Variants in ARHGAP6 observed in about 807,000 individuals in gnomAD.
The protein encoded by ARHGAP6 is Rho GTPase activating protein 6.
ARHGAP6 carries 16 observed loss-of-function variants against 55.7 expected under a neutral mutation model. That is an observed-to-expected ratio of 0.29 (90% CI 0.19 to 0.44). The LOEUF is 0.44. ARHGAP6 is among the 20% of genes least tolerant of loss of function. The probability of loss-of-function intolerance (pLI) is 1.00; values close to 1 mark genes in which losing one functional copy is unlikely to be tolerated. For synonymous variants in ARHGAP6, 382 were observed against 360.9 expected (o/e 1.06, Z -0.66); for missense variants, 698 against 808.9 (o/e 0.86, Z 1.66).
intron 1 of ARHGAP6, among the ~76,000 whole-genome samples, chrX:11,433,419 G>A: frequency 8.9e-6 from 1 of 111,918 alleles, no homozygotes. Flanking sequence ...CAGAGCCAGG[G>A]AGGGTATCCT....
chrX:11,408,516 G>T (rs1311030803), intron 1 of ARHGAP6, among the ~76,000 whole-genome samples: 1 of 111,172 alleles, frequency 9.0e-6, no homozygotes, highest in Non-Finnish European at 1.9e-5. Flanking sequence ...ACTCTATCCA[G>T]GTACAACGGA....
At chrX:11,337,859 G>A (rs2048658780) in intron 1 of ARHGAP6, among the ~76,000 whole-genome samples, 1 of 112,266 alleles carries the variant, frequency 8.9e-6, no homozygotes, top group Non-Finnish European at 1.9e-5. Context: ...GGCTTTACAA[G>A]ATAGATGGCA....
At chrX:11,251,939 C>A (rs1218853236) in intron 2 of ARHGAP6, among the ~76,000 whole-genome samples, 1 of 112,254 alleles carries the variant, frequency 8.9e-6, no homozygotes, top group Non-Finnish European at 1.9e-5. Flanking sequence ...TCCCTCTCTC[C>A]TCTATAAATG....
chrX:11,383,233 T>C (rs1049771088), intron 1 of ARHGAP6, among the ~76,000 whole-genome samples: 34 of 111,525 alleles, frequency 3.0e-4, no homozygotes, highest in Non-Finnish European at 5.1e-4. Context: ...GCATGCTTCA[T>C]GGTTCATTGT....
At chrX:11,347,710 A>G in intron 1 of ARHGAP6, among the ~76,000 whole-genome samples, 1 of 112,483 alleles carries the variant, frequency 8.9e-6, no homozygotes, top group Middle Eastern at 4.6e-3. Flanking sequence ...TATGGAAGGC[A>G]GACAGGAAAA....
chrX:11,521,818 T>C (rs1025001417), intron 1 of ARHGAP6, among the ~76,000 whole-genome samples: 6 of 111,332 alleles, frequency 5.4e-5, no homozygotes, highest in Non-Finnish European at 1.1e-4. Flanking sequence ...TTTCTTTGTA[T>C]CCTCTTTTAT....
chrX:11,295,078 A>G (rs1435018483), intron 1 of ARHGAP6, among the ~76,000 whole-genome samples: 1 of 112,098 alleles, frequency 8.9e-6, no homozygotes, highest in Non-Finnish European at 1.9e-5. Context: ...CTGCATTTTT[A>G]TAAGCACCCC....
Position 11,416,256 on chromosome X carries a change from C to T in ARHGAP6, c.589-161549G>A, listed in dbSNP as rs767883028. On this transcript the variant is annotated intron_variant, in intron 1 of 12. Coordinates refer to ENST00000337414, the MANE Select transcript of ARHGAP6 (RefSeq NM_013427.3). ...TGCAATGGGTGATACAAAGTATCTG[C>T]GTGGTAATGGTGACATTACCTGTCT... Among the ~76,000 whole-genome samples the T allele has an allele frequency of 9.9e-4, 110 of 111,074 alleles. 1 individual carries two copies. In the South Asian group the frequency reaches 0.014, roughly 14 times the overall value.
chrX:11,225,645 C>A, intron 2 of ARHGAP6: 1 of 496,816 alleles, frequency 2.0e-6, no homozygotes, highest in Non-Finnish European at 3.2e-6. Flanking sequence ...CGATTTTAAT[C>A]ACTTTTTAGT....
chrX:11,509,787 A>G (rs1349341979), intron 1 of ARHGAP6, among the ~76,000 whole-genome samples: 1 of 112,199 alleles, frequency 8.9e-6, no homozygotes, highest in African/African-American at 3.2e-5. Context: ...AGTTGCATCA[A>G]CAAATGGTGA....
intron 1 of ARHGAP6, among the ~76,000 whole-genome samples, chrX:11,617,741 T>C (rs1215960821): frequency 9.0e-6 from 1 of 111,578 alleles, no homozygotes; most frequent in Non-Finnish European, 1.9e-5. Context: ...AAGAAGGCTG[T>C]CTGCTATCTG....
At chrX:11,291,507 G>C (rs2047991264) in intron 1 of ARHGAP6, among the ~76,000 whole-genome samples, 3 of 110,834 alleles carry the variant, frequency 2.7e-5, no homozygotes, top group Non-Finnish European at 3.8e-5. Context: ...TTCATTAGTA[G>C]AGATTACCCA....
At chrX:11,202,013 G>GTGTGTGTGTGTGTA (rs2046632241) in intron 2 of ARHGAP6, among the ~76,000 whole-genome samples, 2 of 101,792 alleles carry the variant, frequency 2.0e-5, no homozygotes, top group Non-Finnish European at 4.0e-5. Flanking sequence ...GTGTGTGTGT[G>GTGTGTGTGTGTGTA]TGTGTGTGTG....
At chrX:11,521,982 T>A (rs1252758985) in intron 1 of ARHGAP6, among the ~76,000 whole-genome samples, 1 of 111,522 alleles carries the variant, frequency 9.0e-6, no homozygotes, top group African/African-American at 3.3e-5. Flanking sequence ...TGTATAAGAA[T>A]GCTTGTGATT....
At chrX:11,543,498 C>A (rs1339607246) in intron 1 of ARHGAP6, among the ~76,000 whole-genome samples, 1 of 111,786 alleles carries the variant, frequency 8.9e-6, no homozygotes, top group Non-Finnish European at 1.9e-5. Context: ...CATGCAACAG[C>A]CACCACCACC....
chrX:11,154,060 G>A (rs946314645), intron 10 of ARHGAP6, among the ~76,000 whole-genome samples: 14 of 110,293 alleles, frequency 1.3e-4, no homozygotes, highest in African/African-American at 4.3e-4. Context: ...GAGAACATGC[G>A]GTGTTTGGTG....
chrX:11,568,527 T>G, intron 1 of ARHGAP6, among the ~76,000 whole-genome samples: 1 of 111,661 alleles, frequency 9.0e-6, no homozygotes, highest in Non-Finnish European at 1.9e-5. Context: ...ATCCCAGCGG[T>G]GGGCAGATCA....
At chrX:11,300,022 C>T (rs1052674989) in intron 1 of ARHGAP6, among the ~76,000 whole-genome samples, 12 of 111,949 alleles carry the variant, frequency 1.1e-4, no homozygotes, top group South Asian at 3.7e-4. Context: ...AGCATGTTTA[C>T]GGAAAATATG....
At chrX:11,225,802 C>A in intron 2 of ARHGAP6, 1 of 344,510 alleles carries the variant, frequency 2.9e-6, no homozygotes, top group Non-Finnish European at 5.0e-6. Context: ...AAATACAACT[C>A]ATGAACAAAA....
Sources: gnomAD v4.1 joint callset for allele counts (sites outside exome capture counted in the v4.1 genomes callset) on GRCh38, gnomAD v4.1.1 for gene constraint, MANE v1.5 for transcripts, NCBI Gene and HGNC (gene_info 2026-07-23, HGNC 2026-07-21) for gene names.